Variants in SPTB observed in about 807,000 individuals in gnomAD.
SPTB encodes the protein spectrin beta, erythrocytic, also known as spectrin beta chain, erythrocytic.
Under a neutral mutation model 256.2 loss-of-function variants are expected in SPTB, and 45 were observed. The observed-to-expected ratio is 0.18, with a 90% CI of 0.14 to 0.23. The LOEUF is 0.23. Among genes scored for constraint, SPTB ranks in the 10% least tolerant of loss-of-function variants. The pLI, the probability that SPTB is intolerant of heterozygous loss-of-function variation, is 1.00. For synonymous variants in SPTB, 1,231 were observed against 1,243.1 expected (o/e 0.99, Z 0.21); for missense variants, 2,715 against 3,040.4 (o/e 0.89, Z 2.52).
chr14:64,808,818 A>T (rs1156231363), intron 2 of SPTB, among the ~76,000 whole-genome samples: 1 of 152,172 alleles, frequency 6.6e-6, no homozygotes, highest in East Asian at 1.9e-4. Flanking sequence ...GGTACATGAC[A>T]CATATGGTCA....
chr14:64,753,253 C>T (rs1334041153), intron 33 of SPTB, among the ~76,000 whole-genome samples: 1 of 152,222 alleles, frequency 6.6e-6, no homozygotes, highest in African/African-American at 2.4e-5. Flanking sequence ...AAAAGACATA[C>T]TGTTCTCATC....
rs1457899778 is a variant in SPTB, at chr14:64,796,517, A to T, written c.1341+40T>A. Reference sequence around the variant, plus strand: ...AGCCAAGAGCTGGGGGCTCTGAAGAATGTCCCCTCTCCTGTCACCCAAAGC... The same window carrying T: ...AGCCAAGAGCTGGGGGCTCTGAAGATTGTCCCCTCTCCTGTCACCCAAAGC... On this transcript the variant is annotated intron_variant, in intron 11 of 35. Transcript: ENST00000644917. The surrounding 1 kb of genome is among the most constrained non-coding windows in gnomAD (Gnocchi z 4.1). 3 of 1,613,732 alleles carry T rather than the reference A, an allele frequency of 1.9e-6. No homozygotes were observed. Among genetic ancestry groups the T allele is most frequent in the Non-Finnish European group, 2.5e-6 (3 of 1,179,942 alleles).
rs2082133911 is a variant in SPTB at position 64,764,238 on chromosome 14, G to C, written c.6345+2488C>G. ...AAGGACCAGCCACTGGGCTTGCAAG[G>C]AGCCTTCTAGAGCCAGGTTGGGCTT... On this transcript the variant is annotated intron_variant, in intron 32 of 35. Transcript: ENST00000644917. This position sits in a 1 kb window ranked among gnomAD's most constrained non-coding sequence, Gnocchi z 4.2. Among the ~76,000 whole-genome samples the C allele has an allele frequency of 6.6e-6, 1 of 152,218 alleles. No individual in the cohort carries two copies. The highest frequency in any genetic ancestry group is 2.1e-4 in the South Asian group (1 of 4,838).
chr14:64,824,430 G>A lies in SPTB; in HGVS notation c.-51-1285C>T, dbSNP rs2083346305. ...GTGAGGAGGGGGCCAGGGGAGCCAG[G>A]CTTGGTCTTCAATGCCCTGGACCCT... is the stretch of plus-strand genomic sequence containing the variant. On this transcript the variant is annotated intron_variant, in intron 1 of 35. Coordinates refer to ENST00000644917, the MANE Select transcript of SPTB (RefSeq NM_001355436.2). This position sits in a 1 kb window ranked among gnomAD's most constrained non-coding sequence, Gnocchi z 5.7. Among the ~76,000 whole-genome samples the A allele has an allele frequency of 6.6e-6, 1 of 152,180 alleles. No homozygotes were observed. Among genetic ancestry groups the A allele is most frequent in the Non-Finnish European group, 1.5e-5 (1 of 68,016 alleles).
intron 33 of SPTB, 151 bp from the exon 34 acceptor site, chr14:64,750,305 T>G: frequency 1.2e-6 from 1 of 831,448 alleles, no homozygotes; most frequent in Non-Finnish European, 1.8e-6. Context: ...TGCATGTAAT[T>G]TCATTACAAA....
chr14:64,832,249 C>T (rs943431221), intron 1 of SPTB, among the ~76,000 whole-genome samples: 1 of 152,228 alleles, frequency 6.6e-6, no homozygotes, highest in African/African-American at 2.4e-5. Context: ...ACTGATACCT[C>T]CCTTCCTTGT....
chr14:64,829,579 G>T (rs1187819477), intron 1 of SPTB, among the ~76,000 whole-genome samples: 2 of 152,164 alleles, frequency 1.3e-5, no homozygotes, highest in African/African-American at 4.8e-5. Flanking sequence ...GGTAGTGGGG[G>T]ACAAGACATG....
chr14:64,858,893 A>G (rs2083914978), intron 1 of SPTB, among the ~76,000 whole-genome samples: 1 of 152,216 alleles, frequency 6.6e-6, no homozygotes, highest in South Asian at 2.1e-4. Context: ...GTTTAGAAAT[A>G]GCTCTGTATT....
chr14:64,777,681 T>C lies in SPTB; in HGVS notation c.4563+1476A>G, dbSNP rs1196680468. 3.9e-5 allele frequency among the ~76,000 whole-genome samples: 6 copies of C among 152,164 alleles called. No individual in the cohort carries two copies. The East Asian group carries it at 7.7e-4, about 20-fold the overall frequency. ...CTGGGGGTGGCACCTGGTTAAGTCG[T>C]GTAAACTCACCCAGAAGGCTTGTTA... On this transcript the variant is annotated intron_variant, in intron 22 of 35. Coordinates refer to ENST00000644917, the MANE Select transcript of SPTB (RefSeq NM_001355436.2). The surrounding 1 kb of genome is among the most constrained non-coding windows in gnomAD (Gnocchi z 4.5).
chr14:64,814,339 C>T (rs1041171363), intron 2 of SPTB, among the ~76,000 whole-genome samples: 2 of 152,124 alleles, frequency 1.3e-5, no homozygotes, highest in African/African-American at 4.8e-5. Flanking sequence ...TTATAGATAA[C>T]ACTTAATATA....
In SPTB at chr14:64,795,110, G is replaced by A. The variant is rs778128584; in HGVS notation, c.1644+227C>T. Among the ~76,000 whole-genome samples, 3 of 152,326 alleles carry A rather than the reference G, an allele frequency of 2.0e-5. No individual in the cohort carries two copies. The highest frequency in any genetic ancestry group is 2.1e-4 in the South Asian group (1 of 4,828). ...TGCTGCCACAAACCCAAGATTTCTC[G>A]GTCACCAGGGTACCATGGACCTGGG... is the stretch of plus-strand genomic sequence containing the variant. On this transcript the variant is annotated intron_variant, in intron 12 of 35. Transcript: ENST00000644917. The surrounding 1 kb of genome is among the most constrained non-coding windows in gnomAD (Gnocchi z 6.5).
At chr14:64,794,722 G>T in intron 12 of SPTB, 105 bp from the exon 13 acceptor site, 2 of 1,487,350 alleles carry the variant, frequency 1.3e-6, no homozygotes, top group Middle Eastern at 1.8e-4. Flanking sequence ...CTGAGCAAGG[G>T]TGAGCCAAAT....
intron 2 of SPTB, 116 bp downstream of exon 2, chr14:64,822,831 A>G: frequency 6.7e-7 from 1 of 1,493,920 alleles, no homozygotes; most frequent in Non-Finnish European, 9.3e-7. Flanking sequence ...ACACGTCTCC[A>G]TCACTGCCAT....
chr14:64,749,954 AG>A lies in SPTB; in HGVS notation c.6776+26del. ...AATGCCAAATCAAGCCATCAACCCG[AG>A]CTTTCAAAGGCCAGGAAGGCCTCAC... On this transcript the variant is annotated intron_variant, in intron 34 of 35. Coordinates refer to ENST00000644917, the MANE Select transcript of SPTB (RefSeq NM_001355436.2). This position sits in a 1 kb window ranked among gnomAD's most constrained non-coding sequence, Gnocchi z 4.7. The A allele has an allele frequency of 6.2e-7, 1 of 1,614,124 alleles. No individual in the cohort carries two copies.
intron 2 of SPTB, among the ~76,000 whole-genome samples, chr14:64,822,577 C>A (rs900069359): frequency 2.6e-5 from 4 of 152,024 alleles, no homozygotes; most frequent in African/African-American, 4.8e-5. Flanking sequence ...TCTCTCTAGG[C>A]CCAGGCAGGA....
chr14:64,756,611 C>T (rs969546485), intron 32 of SPTB: 10 of 152,284 alleles, frequency 6.6e-5, no homozygotes, highest in African/African-American at 2.2e-4. Flanking sequence ...TATTTTCCTT[C>T]AGTAAACCTT....
Position 64,824,345 on chromosome 14 carries a change from A to G in SPTB, c.-51-1200T>C, listed in dbSNP as rs1034788494. ...AAGTCCTGAAGGTAAGAAAGAACACAGAAAGCTTTGAGAACTTTAAGAAGT... is the reference window on the plus strand; with the variant it reads ...AAGTCCTGAAGGTAAGAAAGAACACGGAAAGCTTTGAGAACTTTAAGAAGT... On this transcript the variant is annotated intron_variant, in intron 1 of 35. Coordinates refer to ENST00000644917, the MANE Select transcript of SPTB (RefSeq NM_001355436.2). The surrounding 1 kb of genome is among the most constrained non-coding windows in gnomAD (Gnocchi z 5.7). 6.6e-6 allele frequency among the ~76,000 whole-genome samples: 1 copy of G among 152,218 alleles called. No homozygotes were observed. Among genetic ancestry groups the G allele is most frequent in the Non-Finnish European group, 1.5e-5 (1 of 68,038 alleles).
chr14:64,867,373 C>G (rs1191256302), intron 1 of SPTB, among the ~76,000 whole-genome samples: 1 of 152,224 alleles, frequency 6.6e-6, no homozygotes, highest in African/African-American at 2.4e-5. Flanking sequence ...CAGACACTGT[C>G]TCTTCCTCAA....
intron 10 of SPTB, 68 bp downstream of exon 10, chr14:64,797,661 A>G (rs754972830): frequency 2.5e-6 from 3 of 1,220,070 alleles, no homozygotes; most frequent in Non-Finnish European, 2.4e-6. Context: ...TCCAATGACC[A>G]TTCACTGTGT....
Sources: gnomAD v4.1 joint callset for allele counts (sites outside exome capture counted in the v4.1 genomes callset) on GRCh38, gnomAD v4.1.1 for gene constraint, Gnocchi (gnomAD v3.1) non-coding constraint, MANE v1.5 for transcripts, NCBI Gene and HGNC (gene_info 2026-07-23, HGNC 2026-07-21) for gene names.